MTURN: variants seen among roughly 807,000 people sequenced by gnomAD.
The protein encoded by MTURN is maturin.
In MTURN, 7 loss-of-function variants were observed where a neutral mutation model predicts 14.9. The observed-to-expected ratio is 0.47, with a 90% CI of 0.27 to 0.88. The LOEUF (loss-of-function observed/expected upper bound fraction) is 0.88. MTURN is among the 40% of genes least tolerant of loss of function. The pLI is 0.14. For synonymous variants in MTURN, 69 were observed against 72.5 expected (o/e 0.95, Z 0.25); for missense variants, 151 against 174.1 (o/e 0.87, Z 0.75).
In MTURN at chr7:30,159,808, CCA is replaced by C. The variant is rs759564286; in HGVS notation, c.*2266_*2267del. ...TCCCTTCTCGTGCTCACACACTTGC[CCA>C]CACACTCACTTCTTCCTGCGCTGTG... On this transcript the variant is annotated 3_prime_UTR_variant, in exon 3 of 3. Transcript: ENST00000324453. The C allele has an allele frequency of 9.2e-5, 14 of 152,708 alleles. No individual in the cohort carries two copies. Among genetic ancestry groups the C allele is most frequent in the Non-Finnish European group, 1.5e-4 (10 of 68,074 alleles). The allele number at this position is 152,708 out of a possible 1,614,324, so 9.5% of individuals were successfully genotyped here.
At chr7:30,150,857 T>C (rs1428577764) in intron 2 of MTURN, among the ~76,000 whole-genome samples, 1 of 152,224 alleles carries the variant, frequency 6.6e-6, no homozygotes, top group Non-Finnish European at 1.5e-5. Context: ...TTTGCTCCCA[T>C]GCTGTGTGGC....
chr7:30,141,880 T>A (rs2128030770), intron 1 of MTURN, among the ~76,000 whole-genome samples: 1 of 152,074 alleles, frequency 6.6e-6, no homozygotes, highest in East Asian at 1.9e-4. Flanking sequence ...CGGTACCGAG[T>A]GGCAGAAAAC....
chr7:30,147,651 AT>A (rs1363829852), intron 2 of MTURN, among the ~76,000 whole-genome samples: 3 of 152,108 alleles, frequency 2.0e-5, no homozygotes, highest in Non-Finnish European at 4.4e-5. Context: ...CCTGGTTAAT[AT>A]TTTATATTTA....
At chr7:30,142,952 A>G (rs1018460842) in intron 1 of MTURN, among the ~76,000 whole-genome samples, 1 of 151,974 alleles carries the variant, frequency 6.6e-6, no homozygotes, top group Admixed American at 6.5e-5. Context: ...TGCTTAAAAT[A>G]TTTTCCAAGT....
intron 2 of MTURN, among the ~76,000 whole-genome samples, chr7:30,156,800 G>A (rs908226494): frequency 1.3e-5 from 2 of 151,118 alleles, no homozygotes; most frequent in African/African-American, 4.9e-5. Context: ...ACTCCAACCT[G>A]GCAACAGAGC....
intron 2 of MTURN, among the ~76,000 whole-genome samples, chr7:30,148,838 A>C (rs983727253): frequency 2.6e-5 from 4 of 152,216 alleles, no homozygotes; most frequent in African/African-American, 9.6e-5. Context: ...AGTGTTTTAA[A>C]TGCCTGTTAG....
chr7:30,162,604 G>T lies in MTURN; in HGVS notation c.*5056G>T, dbSNP rs1021412219. Reference sequence around the variant, plus strand: ...TTGTAAATTACAAAACTGTGAATTGGGTTGCCAAAAACTGTTGCCCTTCGT... The same window carrying T: ...TTGTAAATTACAAAACTGTGAATTGTGTTGCCAAAAACTGTTGCCCTTCGT... On this transcript the variant is annotated 3_prime_UTR_variant, in exon 3 of 3. Coordinates refer to ENST00000324453, the MANE Select transcript of MTURN (RefSeq NM_152793.3). 6.6e-6 allele frequency: 1 copy of T among 152,168 alleles called. No individual in the cohort carries two copies. The highest frequency in any genetic ancestry group is 6.6e-5 in the Admixed American group (1 of 15,218). The allele number at this position is 152,168 out of a possible 1,614,324, so 9.4% of individuals were successfully genotyped here. A position where few individuals can be genotyped will look rare whatever the true frequency, so the allele number is the denominator to read the frequency against.
At chr7:30,138,502 AG>A (rs1373979954) in intron 1 of MTURN, among the ~76,000 whole-genome samples, 1 of 152,144 alleles carries the variant, frequency 6.6e-6, no homozygotes, top group African/African-American at 2.4e-5. Flanking sequence ...TATCTAAAGT[AG>A]GGGCAGCTTA....
chr7:30,144,928 C>CTTTTTTTT (rs11411711), intron 1 of MTURN, among the ~76,000 whole-genome samples: 5 of 73,978 alleles, frequency 6.8e-5, no homozygotes, highest in Admixed American at 1.9e-4. Flanking sequence ...GACCTCAATA[C>CTTTTTTTT]TTTTTTTTTT....
intron 2 of MTURN, among the ~76,000 whole-genome samples, chr7:30,151,711 G>A (rs1797216113): frequency 6.6e-6 from 1 of 152,126 alleles, no homozygotes; most frequent in Admixed American, 6.5e-5. Flanking sequence ...GCAGTTTTTT[G>A]TGCTGTTTGG....
intron 2 of MTURN, 74 bp from the exon 3 acceptor site, chr7:30,157,364 A>T: frequency 7.8e-7 from 1 of 1,287,762 alleles, no homozygotes; most frequent in Non-Finnish European, 1.1e-6. Flanking sequence ...TGTGGATCCG[A>T]TGCCTTTGGT....
Position 30,161,005 on chromosome 7 carries a change from C to G in MTURN, c.*3457C>G, listed in dbSNP as rs1230172242. ...AACCTCTCTCCTTTATAGTTGCTGT[C>G]ATCTTTCATGTATAAACAGAAACCG... On this transcript the variant is annotated 3_prime_UTR_variant, in exon 3 of 3. Transcript: ENST00000324453. The G allele has an allele frequency of 6.6e-6, 1 of 152,614 alleles. No individual in the cohort carries two copies. The highest frequency in any genetic ancestry group is 1.9e-4 in the East Asian group (1 of 5,204). 9.5% of individuals were successfully genotyped at this position (152,614 alleles called of 1,614,324 possible). A position where few individuals can be genotyped will look rare whatever the true frequency, so the allele number is the denominator to read the frequency against.
intron 1 of MTURN, chr7:30,137,646 A>C: frequency 2.1e-6 from 1 of 471,240 alleles, no homozygotes; most frequent in Non-Finnish European, 4.4e-6. Context: ...ACAAGATGCC[A>C]ACCTCGGGAG....
At chr7:30,153,979 A>T (rs1306066339) in intron 2 of MTURN, among the ~76,000 whole-genome samples, 2 of 152,136 alleles carry the variant, frequency 1.3e-5, no homozygotes, top group African/African-American at 2.4e-5. Context: ...CGGCCTCCCA[A>T]AGTGCTGGGA....
At chr7:30,150,607 T>C (rs541122705) in intron 2 of MTURN, among the ~76,000 whole-genome samples, 65 of 152,356 alleles carry the variant, frequency 4.3e-4, no homozygotes, top group African/African-American at 1.3e-3. Context: ...TTAATGAAAC[T>C]GTGGCTTCCA....
At position 30,162,720 on chromosome 7, in the gene MTURN, A is replaced by G. The variant is rs1038500668; in HGVS notation, c.*5172A>G. ...CTGAGAGTGAGGACCTCATCCGACC[A>G]TGTAATTACCATTCGCTTGCTATTA... On this transcript the variant is annotated 3_prime_UTR_variant, in exon 3 of 3. Coordinates refer to ENST00000324453, the MANE Select transcript of MTURN (RefSeq NM_152793.3). The G allele has an allele frequency of 6.6e-6, 1 of 152,466 alleles. No individual in the cohort carries two copies. The highest frequency in any genetic ancestry group is 2.4e-5 in the African/African-American group (1 of 41,392). The allele number at this position is 152,466 out of a possible 1,614,324, so 9.4% of individuals were successfully genotyped here. A position where few individuals can be genotyped will look rare whatever the true frequency, so the allele number is the denominator to read the frequency against.
intron 2 of MTURN, among the ~76,000 whole-genome samples, chr7:30,146,898 C>T (rs148751063): frequency 1.3e-5 from 2 of 152,138 alleles, no homozygotes; most frequent in African/African-American, 2.4e-5. Context: ...AAAATGAATG[C>T]TCACTTCTAT....
intron 1 of MTURN, among the ~76,000 whole-genome samples, chr7:30,143,840 C>T (rs1185985827): frequency 6.6e-6 from 1 of 152,228 alleles, no homozygotes; most frequent in Non-Finnish European, 1.5e-5. Flanking sequence ...GCAGTGGTGG[C>T]TACACTGCAG....
chr7:30,135,077 G>T lies in MTURN; in HGVS notation c.-60G>T. 2 of 1,303,138 alleles carry T rather than the reference G, an allele frequency of 1.5e-6. No individual in the cohort carries two copies. 80.7% of individuals were successfully genotyped at this position (1,303,138 alleles called of 1,614,324 possible). ...AGCCGAGCGCCGCGCTGCCCGCCCG[G>T]GAGGAGGGCGCCTAGGAGCGGGAGG... On this transcript the variant is annotated 5_prime_UTR_variant, in exon 1 of 3. Coordinates refer to ENST00000324453, the MANE Select transcript of MTURN (RefSeq NM_152793.3).
Sources: gnomAD v4.1 joint callset for allele counts (sites outside exome capture counted in the v4.1 genomes callset) on GRCh38, gnomAD v4.1.1 for gene constraint, MANE v1.5 for transcripts, NCBI Gene and HGNC (gene_info 2026-07-23, HGNC 2026-07-21) for gene names.